The following ADAMTSL1 variants were observed in gnomAD, a reference collection of about 807,000 sequenced individuals.
The protein encoded by ADAMTSL1 is ADAMTS-like protein 1.
In ADAMTSL1, 126 loss-of-function variants were observed where a neutral mutation model predicts 201.8. The ratio of observed to expected loss-of-function variants is 0.62; its 90% CI spans 0.54 to 0.72. The LOEUF is 0.72. Ranked by LOEUF, ADAMTSL1 falls within the 30% of genes least tolerant of loss-of-function variation. ADAMTSL1 has a pLI of 0.00. For synonymous variants in ADAMTSL1, 1,121 were observed against 903.4 expected, an observed-to-expected ratio of 1.24 and a Z score of -4.32; for missense variants, 2,679 against 2,277.8, an observed-to-expected ratio of 1.18 and a Z score of -3.59.
chr9:18,514,327 CTTTTTTTTTTTTT>C lies in ADAMTSL1; in HGVS notation c.191+9382_191+9394del, dbSNP rs397963773. 5.5e-3 allele frequency among the ~76,000 whole-genome samples: 551 copies of C among 100,108 alleles called. 11 individuals carry two copies. Among genetic ancestry groups the C allele is most frequent in the East Asian group, 0.013 (47 of 3,678 alleles). 65.7% of individuals were successfully genotyped at this position (100,108 alleles called of 152,430 possible). A position where few individuals can be genotyped will look rare whatever the true frequency, so the allele number is the denominator to read the frequency against. ...GTAGAATTGCAACTGATTTTTCTTTCTTTTTTTTTTTTTTTTTTTTTTTGAACGAAGTCTCGCT... is the reference window on the plus strand; with the variant it reads ...GTAGAATTGCAACTGATTTTTCTTTCTTTTTTTTTTGAACGAAGTCTCGCT... On this transcript the variant is annotated intron_variant, in intron 2 of 28. Coordinates refer to ENST00000380548, the MANE Select transcript of ADAMTSL1 (RefSeq NM_001040272.6).
At chr9:18,819,285 A>G (rs1036383236) in intron 21 of ADAMTSL1, among the ~76,000 whole-genome samples, 9 of 151,990 alleles carry the variant, frequency 5.9e-5, no homozygotes, top group African/African-American at 1.7e-4. Flanking sequence ...GTGAAACCCT[A>G]TCTCTACTAA....
intron 1 of ADAMTSL1, among the ~76,000 whole-genome samples, chr9:18,082,196 G>A (rs1823528439): frequency 6.6e-6 from 1 of 152,112 alleles, no homozygotes; most frequent in Admixed American, 6.5e-5. Context: ...GCTTTATTTT[G>A]TCAAATAACA....
intron 2 of ADAMTSL1, among the ~76,000 whole-genome samples, chr9:18,190,787 G>C (rs1828938901): frequency 6.6e-6 from 1 of 152,142 alleles, no homozygotes; most frequent in African/African-American, 2.4e-5. Flanking sequence ...CAAACTGCTG[G>C]TTCTTCCCAT....
chr9:18,745,761 TA>T (rs1819107344), intron 15 of ADAMTSL1, among the ~76,000 whole-genome samples: 1 of 152,242 alleles, frequency 6.6e-6, no homozygotes, highest in Non-Finnish European at 1.5e-5. Context: ...AATTCAATTT[TA>T]CTAGATTTAT....
At chr9:18,779,953 A>C (rs1821288386) in intron 19 of ADAMTSL1, among the ~76,000 whole-genome samples, 1 of 152,194 alleles carries the variant, frequency 6.6e-6, no homozygotes, top group African/African-American at 2.4e-5. Context: ...TGGCTGCATG[A>C]GGGAAAAGAT....
intron 2 of ADAMTSL1, among the ~76,000 whole-genome samples, chr9:18,370,053 G>A (rs1488941210): frequency 1.3e-5 from 2 of 152,186 alleles, no homozygotes; most frequent in East Asian, 1.9e-4. Context: ...GCCGAGGCTG[G>A]TGGATCACCT....
At chr9:18,859,834 A>AT (rs546990965) in intron 23 of ADAMTSL1, among the ~76,000 whole-genome samples, 23 of 150,082 alleles carry the variant, frequency 1.5e-4, no homozygotes, top group Admixed American at 7.3e-4. Context: ...AATGGTGCTG[A>AT]TTTTTTTTTT....
chr9:18,541,250 C>A (rs943414931), intron 3 of ADAMTSL1, among the ~76,000 whole-genome samples: 12 of 152,160 alleles, frequency 7.9e-5, no homozygotes, highest in African/African-American at 2.9e-4. Flanking sequence ...GTGGCTCATG[C>A]CTGTAATCCC....
At chr9:18,011,245 T>C (rs1179009792) in intron 1 of ADAMTSL1, among the ~76,000 whole-genome samples, 1 of 152,046 alleles carries the variant, frequency 6.6e-6, no homozygotes. Flanking sequence ...AGAGTTAATG[T>C]TTATGAAAAA....
intron 9 of ADAMTSL1, among the ~76,000 whole-genome samples, chr9:18,665,439 G>T (rs748822825): frequency 6.6e-6 from 1 of 152,078 alleles, no homozygotes; most frequent in South Asian, 2.1e-4. Flanking sequence ...GCATGTGATT[G>T]TGTCCACAGT....
chr9:18,895,507 G>A (rs937698907), intron 26 of ADAMTSL1, among the ~76,000 whole-genome samples: 6 of 143,122 alleles, frequency 4.2e-5, no homozygotes, highest in Non-Finnish European at 6.0e-5. Context: ...AAGGAACACA[G>A]ACCTGCAGAC....
At chr9:18,124,088 T>G (rs1564012882) in intron 1 of ADAMTSL1, among the ~76,000 whole-genome samples, 2 of 144,610 alleles carry the variant, frequency 1.4e-5, no homozygotes, top group African/African-American at 5.1e-5. Context: ...TTTTTTTTTT[T>G]TTTTTTTTTT....
intron 2 of ADAMTSL1, among the ~76,000 whole-genome samples, chr9:18,284,247 A>G (rs907556720): frequency 1.3e-5 from 2 of 152,086 alleles, no homozygotes; most frequent in Non-Finnish European, 2.9e-5. Flanking sequence ...TAAAATAAAA[A>G]AAGAATTAAA....
At chr9:18,261,667 A>G (rs1831929321) in intron 2 of ADAMTSL1, among the ~76,000 whole-genome samples, 1 of 152,178 alleles carries the variant, frequency 6.6e-6, no homozygotes, top group Admixed American at 6.5e-5. Flanking sequence ...TCATTTATCA[A>G]TACGTAGCCA....
intron 1 of ADAMTSL1, among the ~76,000 whole-genome samples, chr9:18,026,988 G>T (rs1382692910): frequency 6.6e-6 from 1 of 151,648 alleles, no homozygotes; most frequent in Non-Finnish European, 1.5e-5. Context: ...TTTCTAGTTT[G>T]TATCCATAGA....
intron 23 of ADAMTSL1, among the ~76,000 whole-genome samples, chr9:18,860,274 C>T (rs1827127349): frequency 6.6e-6 from 1 of 152,166 alleles, no homozygotes; most frequent in Non-Finnish European, 1.5e-5. Flanking sequence ...TTTTACTAGG[C>T]CATTTGTTCT....
intron 1 of ADAMTSL1, among the ~76,000 whole-genome samples, chr9:18,019,191 T>C (rs183337225): frequency 1.3e-5 from 2 of 152,168 alleles, no homozygotes. Context: ...ACTGGGTAAC[T>C]TCTAAGTAAA....
At chr9:18,852,319 C>T (rs576585386) in intron 23 of ADAMTSL1, among the ~76,000 whole-genome samples, 3 of 152,292 alleles carry the variant, frequency 2.0e-5, no homozygotes, top group Admixed American at 1.3e-4. Context: ...ATAAATGAGG[C>T]AGTATATGTA....
At chr9:18,826,140 T>G (rs1824540296) in intron 21 of ADAMTSL1, 144 bp from the exon 22 acceptor site, 1 of 933,076 alleles carries the variant, frequency 1.1e-6, no homozygotes, top group Non-Finnish European at 1.6e-6. Context: ...TGGACATTAT[T>G]TAATCTGGCC....
Sources: allele counts gnomAD v4.1 joint callset (sites outside exome capture counted in the v4.1 genomes callset), GRCh38; gene constraint gnomAD v4.1.1; transcripts MANE v1.5; gene names NCBI Gene and HGNC (gene_info 2026-07-23, HGNC 2026-07-21).